Variants in UBE2E2 observed in about 807,000 individuals in gnomAD.
UBE2E2 encodes ubiquitin conjugating enzyme E2 E2.
A neutral mutation model predicts 24.7 loss-of-function variants in UBE2E2; 6 were observed. That is an observed-to-expected ratio of 0.24 (90% CI 0.13 to 0.48). The LOEUF is 0.48. Among genes scored for constraint, UBE2E2 ranks in the 20% least tolerant of loss-of-function variants. UBE2E2 has a pLI of 0.99. For missense variants in UBE2E2, 169 were observed against 245.0 expected (o/e 0.69, Z 2.07); for synonymous variants, 104 against 83.6 (o/e 1.24, Z -1.33).
chr3:23,246,740 TAA>T (rs942919882), intron 3 of UBE2E2, among the ~76,000 whole-genome samples: 3 of 152,218 alleles, frequency 2.0e-5, no homozygotes, highest in Admixed American at 2.0e-4. Flanking sequence ...AAACATTTTA[TAA>T]GTCTTTTGTT....
chr3:23,479,549 G>T (rs1047602584), intron 3 of UBE2E2, among the ~76,000 whole-genome samples: 13 of 152,078 alleles, frequency 8.5e-5, no homozygotes, highest in Non-Finnish European at 1.6e-4. Context: ...GGTAGGGGGG[G>T]TATGTTTCAG....
At chr3:23,211,825 C>T (rs75280492) in intron 2 of UBE2E2, among the ~76,000 whole-genome samples, 126 of 152,238 alleles carry the variant, frequency 8.3e-4, no homozygotes, top group Non-Finnish European at 1.3e-3. Flanking sequence ...TTATTTGGCA[C>T]ATAGTAAGCT....
chr3:23,319,769 C>A (rs141768805), intron 3 of UBE2E2, among the ~76,000 whole-genome samples: 1 of 147,986 alleles, frequency 6.8e-6, no homozygotes, highest in Non-Finnish European at 1.5e-5. Flanking sequence ...GAGTGGAGAT[C>A]GCACCACTGC....
At chr3:23,462,730 C>G (rs1252074681) in intron 3 of UBE2E2, among the ~76,000 whole-genome samples, 2 of 152,146 alleles carry the variant, frequency 1.3e-5, no homozygotes, top group African/African-American at 4.8e-5. Flanking sequence ...TCATCTTTTG[C>G]ATCCCTCATT....
intron 3 of UBE2E2, among the ~76,000 whole-genome samples, chr3:23,293,903 C>T (rs575714566): frequency 6.6e-6 from 1 of 152,306 alleles, no homozygotes; most frequent in African/African-American, 2.4e-5. Flanking sequence ...ATTCCTCAAG[C>T]CCAGGAGTTT....
chr3:23,213,166 G>A (rs1343007078), intron 2 of UBE2E2, among the ~76,000 whole-genome samples: 2 of 152,046 alleles, frequency 1.3e-5, no homozygotes, highest in African/African-American at 4.8e-5. Context: ...GCGAATCTGC[G>A]TATCCACACA....
intron 5 of UBE2E2, among the ~76,000 whole-genome samples, chr3:23,565,671 GGTTTAAAATCCA>G (rs2125508000): frequency 6.6e-6 from 1 of 151,944 alleles, no homozygotes; most frequent in South Asian, 2.1e-4. Context: ...ACTCTGAAAA[GGTTTAAAATCCA>G]GTTTAAAATT....
chr3:23,541,636 C>A (rs940992759), intron 5 of UBE2E2, among the ~76,000 whole-genome samples: 2 of 152,232 alleles, frequency 1.3e-5, no homozygotes, highest in African/African-American at 4.8e-5. Flanking sequence ...TACAGGGAAA[C>A]CTGTTGCCAC....
At chr3:23,480,237 C>T in intron 3 of UBE2E2, among the ~76,000 whole-genome samples, 1 of 152,174 alleles carries the variant, frequency 6.6e-6, no homozygotes, top group Non-Finnish European at 1.5e-5. Context: ...TCAGTGCTGC[C>T]CTGAGCATGT....
chr3:23,287,009 G>C (rs1355308303), intron 3 of UBE2E2, among the ~76,000 whole-genome samples: 1 of 152,128 alleles, frequency 6.6e-6, no homozygotes, highest in Non-Finnish European at 1.5e-5. Flanking sequence ...TTATGTTCCA[G>C]ATCTTAGAGG....
intron 5 of UBE2E2, among the ~76,000 whole-genome samples, chr3:23,560,602 A>G (rs1695903473): frequency 6.6e-6 from 1 of 152,030 alleles, no homozygotes; most frequent in Admixed American, 6.6e-5. Context: ...TTGCTGGGTC[A>G]AATGGTATTT....
intron 3 of UBE2E2, among the ~76,000 whole-genome samples, chr3:23,353,989 C>T (rs1695849301): frequency 6.6e-6 from 1 of 152,174 alleles, no homozygotes; most frequent in African/African-American, 2.4e-5. Flanking sequence ...TCAAACTATA[C>T]TACAAGGCTA....
intron 3 of UBE2E2, among the ~76,000 whole-genome samples, chr3:23,374,518 C>G (rs1165138483): frequency 6.6e-6 from 1 of 152,144 alleles, no homozygotes; most frequent in Non-Finnish European, 1.5e-5. Flanking sequence ...AGTTAATGGC[C>G]TCAGTGGCCT....
chr3:23,475,079 T>G (rs1365495839), intron 3 of UBE2E2, among the ~76,000 whole-genome samples: 5 of 152,048 alleles, frequency 3.3e-5, no homozygotes, highest in Non-Finnish European at 5.9e-5. Flanking sequence ...CTCGAAGTGC[T>G]CCTTCTCTCA....
At chr3:23,493,849 T>C (rs1012818650) in intron 3 of UBE2E2, among the ~76,000 whole-genome samples, 60 of 152,204 alleles carry the variant, frequency 3.9e-4, no homozygotes, top group African/African-American at 1.4e-3. Flanking sequence ...AGTCAACCTC[T>C]TTGAGTGTAT....
intron 3 of UBE2E2, chr3:23,270,887 G>A (rs116679451): frequency 1.2e-3 from 565 of 456,046 alleles, no homozygotes; most frequent in African/African-American, 0.01. Flanking sequence ...GATTAAGAAC[G>A]ATAATTGTCT....
intron 3 of UBE2E2, among the ~76,000 whole-genome samples, chr3:23,466,793 C>T (rs1265839182): frequency 6.6e-6 from 1 of 151,808 alleles, no homozygotes; most frequent in Non-Finnish European, 1.5e-5. Flanking sequence ...GGTCTCGAAC[C>T]CCTGACCTTG....
chr3:23,341,681 C>T (rs1422504171), intron 3 of UBE2E2, among the ~76,000 whole-genome samples: 1 of 152,114 alleles, frequency 6.6e-6, no homozygotes, highest in Non-Finnish European at 1.5e-5. Context: ...ATCATTTCCC[C>T]TCTTTTCTTT....
chr3:23,302,131 T>G (rs1307900905), intron 3 of UBE2E2, among the ~76,000 whole-genome samples: 1 of 152,170 alleles, frequency 6.6e-6, no homozygotes, highest in East Asian at 1.9e-4. Flanking sequence ...ATGATTACTT[T>G]AGGTTTCTCT....
Sources: gnomAD v4.1 joint callset for allele counts (sites outside exome capture counted in the v4.1 genomes callset) on GRCh38, gnomAD v4.1.1 for gene constraint, MANE v1.5 for transcripts, NCBI Gene and HGNC (gene_info 2026-07-23, HGNC 2026-07-21) for gene names.